The following NRXN1 variants were observed in gnomAD, a reference collection of about 807,000 sequenced individuals.
NRXN1 encodes the protein neurexin-1.
Under a neutral mutation model 150.9 loss-of-function variants are expected in NRXN1, and 39 were observed. That is an observed-to-expected ratio of 0.26 (90% CI 0.20 to 0.34). The LOEUF (loss-of-function observed/expected upper bound fraction) is 0.34. NRXN1 is among the 10% of genes least tolerant of loss of function. The pLI, the probability that NRXN1 is intolerant of heterozygous loss-of-function variation, is 1.00. For synonymous variants in NRXN1, 924 were observed against 757.0 expected (o/e 1.22, Z -3.62); for missense variants, 1,815 against 1,949.9 (o/e 0.93, Z 1.30).
chr2:50,903,834 T>C (rs942717760), intron 5 of NRXN1, among the ~76,000 whole-genome samples: 6 of 152,158 alleles, frequency 3.9e-5, no homozygotes, highest in Admixed American at 3.9e-4. Context: ...TTTGAAATAA[T>C]GAGATTTGGA....
intron 18 of NRXN1, among the ~76,000 whole-genome samples, chr2:50,115,217 GTA>G (rs35673922): frequency 0.2 from 26,885 of 134,728 alleles, 2,807 homozygotes; most frequent in Middle Eastern, 0.24. Context: ...TATGTTATGT[GTA>G]TATATATATA....
chr2:50,598,063 C>T (rs191613885), intron 8 of NRXN1, among the ~76,000 whole-genome samples: 107 of 151,930 alleles, frequency 7.0e-4, no homozygotes, highest in African/African-American at 2.6e-3. Flanking sequence ...TGCTTGAACC[C>T]GGGAGGAGGA....
chr2:50,459,905 C>A (rs2087986115), intron 17 of NRXN1, among the ~76,000 whole-genome samples: 2 of 152,038 alleles, frequency 1.3e-5, no homozygotes, highest in African/African-American at 4.8e-5. Flanking sequence ...GGCAGTATCC[C>A]CATCCTGCCT....
chr2:50,145,299 T>TAC (rs3050734), intron 18 of NRXN1, among the ~76,000 whole-genome samples: 100 of 150,824 alleles, frequency 6.6e-4, no homozygotes, highest in African/African-American at 2.1e-3. Context: ...TCCACACAAA[T>TAC]ACACACACAC....
intron 5 of NRXN1, among the ~76,000 whole-genome samples, chr2:50,767,048 T>A (rs1006803216): frequency 6.6e-6 from 1 of 152,088 alleles, no homozygotes; most frequent in African/African-American, 2.4e-5. Flanking sequence ...CTTGAGAATT[T>A]CGGCAAATAA....
intron 18 of NRXN1, among the ~76,000 whole-genome samples, chr2:50,193,228 T>A (rs998479946): frequency 6.6e-6 from 1 of 152,182 alleles, no homozygotes; most frequent in Non-Finnish European, 1.5e-5. Flanking sequence ...AGCAGTCACA[T>A]AGCACTGATT....
At chr2:50,612,600 T>C (rs1315883802) in intron 8 of NRXN1, among the ~76,000 whole-genome samples, 1 of 152,222 alleles carries the variant, frequency 6.6e-6, no homozygotes, top group African/African-American at 2.4e-5. Flanking sequence ...CTCTGGAATA[T>C]GCTGACTCCC....
chr2:50,052,465 A>G (rs1308168400), intron 21 of NRXN1, among the ~76,000 whole-genome samples: 1 of 152,130 alleles, frequency 6.6e-6, no homozygotes, highest in Admixed American at 6.6e-5. Context: ...ATTTCGAATA[A>G]GGTTTTTTTT....
intron 5 of NRXN1, among the ~76,000 whole-genome samples, chr2:50,787,771 T>G (rs1017281410): frequency 7.3e-5 from 11 of 151,184 alleles, no homozygotes; most frequent in African/African-American, 2.2e-4. Context: ...AACCATGAGT[T>G]AGTTGTTTTT....
chr2:50,447,698 T>G (rs1208704284), intron 17 of NRXN1, among the ~76,000 whole-genome samples: 2 of 129,638 alleles, frequency 1.5e-5, no homozygotes, highest in African/African-American at 6.3e-5. Flanking sequence ...GCTGGGAGAT[T>G]CCTAGATTTT....
intron 21 of NRXN1, among the ~76,000 whole-genome samples, chr2:49,951,141 C>G (rs1673878604): frequency 1.3e-5 from 2 of 151,624 alleles, no homozygotes; most frequent in South Asian, 4.1e-4. Flanking sequence ...TCCTAACAGG[C>G]AAAACTCAAA....
At chr2:50,643,570 G>A (rs912874778) in intron 5 of NRXN1, among the ~76,000 whole-genome samples, 1 of 151,700 alleles carries the variant, frequency 6.6e-6, no homozygotes, top group Non-Finnish European at 1.5e-5. Context: ...TGCATTTAGT[G>A]TTTATCCATA....
chr2:50,260,120 T>C (rs1438503184), intron 17 of NRXN1, among the ~76,000 whole-genome samples: 1 of 151,882 alleles, frequency 6.6e-6, no homozygotes, highest in Non-Finnish European at 1.5e-5. Flanking sequence ...CAAACAACTC[T>C]AGTTAGACAA....
intron 19 of NRXN1, among the ~76,000 whole-genome samples, chr2:50,085,957 A>G (rs1462505016): frequency 6.6e-6 from 1 of 152,188 alleles, no homozygotes; most frequent in Admixed American, 6.5e-5. Flanking sequence ...CATAGCTTGT[A>G]GACAGCAGTC....
chr2:50,457,314 C>T (rs2087669152), intron 17 of NRXN1, among the ~76,000 whole-genome samples: 1 of 152,108 alleles, frequency 6.6e-6, no homozygotes, highest in Non-Finnish European at 1.5e-5. Flanking sequence ...GCACTTATTA[C>T]TAATTTCTCT....
intron 18 of NRXN1, among the ~76,000 whole-genome samples, chr2:50,144,434 A>AG (rs930931676): frequency 4.0e-5 from 6 of 151,754 alleles, no homozygotes; most frequent in African/African-American, 9.7e-5. Flanking sequence ...CCAGAAAGCT[A>AG]GGGGGGAGAA....
chr2:51,018,402 A>G (rs1669075931), intron 2 of NRXN1, among the ~76,000 whole-genome samples: 1 of 152,088 alleles, frequency 6.6e-6, no homozygotes, highest in South Asian at 2.1e-4. Flanking sequence ...ACAAGAGGCC[A>G]GGTCAGCACT....
At chr2:50,136,406 G>A (rs1002344968) in intron 18 of NRXN1, among the ~76,000 whole-genome samples, 1 of 152,080 alleles carries the variant, frequency 6.6e-6, no homozygotes, top group Non-Finnish European at 1.5e-5. Context: ...AGGAGGCCTG[G>A]CTTACAGAAA....
chr2:50,377,043 T>A (rs1358258890), intron 17 of NRXN1, among the ~76,000 whole-genome samples: 1 of 152,078 alleles, frequency 6.6e-6, no homozygotes, highest in Non-Finnish European at 1.5e-5. Context: ...TGACCATTTT[T>A]ATTTTTCTCT....
Sources: gnomAD v4.1 joint callset for allele counts (sites outside exome capture counted in the v4.1 genomes callset) on GRCh38, gnomAD v4.1.1 for gene constraint, MANE v1.5 for transcripts, NCBI Gene and HGNC (gene_info 2026-07-23, HGNC 2026-07-21) for gene names.